Variants in FOXN3 observed in about 807,000 individuals in gnomAD.
FOXN3 encodes forkhead box N3, also known as forkhead box protein N3.
Under a neutral mutation model 38.4 loss-of-function variants are expected in FOXN3, and 7 were observed. That is an observed-to-expected ratio of 0.18 (90% CI 0.10 to 0.34). The LOEUF (loss-of-function observed/expected upper bound fraction) is 0.34. FOXN3 is among the 10% of genes least tolerant of loss of function. The pLI, the probability that FOXN3 is intolerant of heterozygous loss-of-function variation, is 1.00. For missense variants in FOXN3, 456 were observed against 613.4 expected, an observed-to-expected ratio of 0.74 and a Z score of 2.71; for synonymous variants, 230 against 242.2, an observed-to-expected ratio of 0.95 and a Z score of 0.47.
At chr14:89,488,686 G>C (rs1319520074) in intron 1 of FOXN3, among the ~76,000 whole-genome samples, 1 of 151,406 alleles carries the variant, frequency 6.6e-6, no homozygotes, top group East Asian at 1.9e-4. Context: ...GCATTTTCTA[G>C]AGGGAAGAAC....
intron 1 of FOXN3, among the ~76,000 whole-genome samples, chr14:89,472,699 T>C (rs1238420183): frequency 1.6e-5 from 2 of 125,752 alleles, no homozygotes; most frequent in Non-Finnish European, 3.2e-5. Flanking sequence ...CCAGCCTGGG[T>C]GACGGAGCAA....
At chr14:89,166,527 G>C (rs746202867) in intron 5 of FOXN3, among the ~76,000 whole-genome samples, 1 of 152,094 alleles carries the variant, frequency 6.6e-6, no homozygotes, top group African/African-American at 2.4e-5. Context: ...GGGGTGGCCC[G>C]GACAGTCTCA....
At chr14:89,465,633 T>G (rs1044132694) in intron 1 of FOXN3, among the ~76,000 whole-genome samples, 1 of 152,234 alleles carries the variant, frequency 6.6e-6, no homozygotes, top group Non-Finnish European at 1.5e-5. Flanking sequence ...CAAAAGAGAC[T>G]CCCTGAAACT....
At chr14:89,345,785 C>T (rs1888743101) in intron 3 of FOXN3, among the ~76,000 whole-genome samples, 1 of 152,262 alleles carries the variant, frequency 6.6e-6, no homozygotes, top group Non-Finnish European at 1.5e-5. Context: ...AGGCCGGGCA[C>T]AGTGGCTCAC....
intron 1 of FOXN3, among the ~76,000 whole-genome samples, chr14:89,437,109 G>A (rs146224443): frequency 1.1e-3 from 172 of 152,040 alleles, no homozygotes; most frequent in African/African-American, 2.4e-3. Flanking sequence ...AACACGGAAG[G>A]TTGCAGTGAG....
chr14:89,162,548 C>T lies in FOXN3; in HGVS notation c.1273G>A (p.Glu425Lys), dbSNP rs780839699. 3.7e-6 allele frequency: 6 copies of T among 1,613,768 alleles called. No individual in the cohort carries two copies. The highest frequency in any genetic ancestry group is 4.2e-6 in the Non-Finnish European group (5 of 1,179,964). Residue 425 changes from glutamate (E) to lysine (K), a missense_variant, in exon 6 of 6, where the codon GAG becomes AAG. Around this residue, in one of 3 missense-constraint regions of FOXN3, gnomAD observed 386 missense variants for 505.2 expected, o/e 0.76. Transcript: ENST00000557258. The surrounding 1 kb of genome is among the most constrained non-coding windows in gnomAD (Gnocchi z 7.2). ...LKKRRTEKPP[E>K]SDDEEMKEAA... ...TCTTTCATCTCCTCATCATCGCTCT[C>T]GGGGGGCTTTTCGGTGCGTCTCTTT...
At chr14:89,602,580 TCCGCC>T (rs1391118009) in intron 1 of FOXN3, among the ~76,000 whole-genome samples, 1 of 151,946 alleles carries the variant, frequency 6.6e-6, no homozygotes, top group African/African-American at 2.4e-5. Context: ...CACTGCAACC[TCCGCC>T]CCCCGAGTTC....
intron 1 of FOXN3, among the ~76,000 whole-genome samples, chr14:89,522,203 A>T (rs778270168): frequency 1.3e-5 from 2 of 152,146 alleles, no homozygotes. Context: ...CAGTGAAAAT[A>T]GCTTTGAGAA....
At chr14:89,356,551 A>C (rs947465810) in intron 2 of FOXN3, 1 of 152,230 alleles carries the variant, frequency 6.6e-6, no homozygotes. Flanking sequence ...TATTAAAACA[A>C]GACAAAAACT....
intron 4 of FOXN3, among the ~76,000 whole-genome samples, chr14:89,207,227 A>C (rs1215771569): frequency 6.6e-6 from 1 of 152,128 alleles, no homozygotes; most frequent in Non-Finnish European, 1.5e-5. Flanking sequence ...TCTCAAACAA[A>C]ACAAAATAAA....
chr14:89,533,477 C>G (rs964123095), intron 1 of FOXN3, among the ~76,000 whole-genome samples: 1 of 152,050 alleles, frequency 6.6e-6, no homozygotes, highest in South Asian at 2.1e-4. Context: ...TCCTGGCTAA[C>G]AGGGTGAAAC....
intron 4 of FOXN3, among the ~76,000 whole-genome samples, chr14:89,265,708 C>T (rs1212716730): frequency 2.0e-5 from 3 of 152,184 alleles, no homozygotes; most frequent in South Asian, 2.1e-4. Flanking sequence ...TGCAAGTATA[C>T]ACAGCTAGTA....
At chr14:89,611,216 AAAG>A (rs1369290395) in intron 1 of FOXN3, among the ~76,000 whole-genome samples, 2 of 152,228 alleles carry the variant, frequency 1.3e-5, no homozygotes, top group South Asian at 4.1e-4. Context: ...GGAGCCCCAA[AAAG>A]AAGACTGAAT....
intron 4 of FOXN3, among the ~76,000 whole-genome samples, chr14:89,213,035 C>T (rs1296304382): frequency 6.6e-6 from 1 of 152,162 alleles, no homozygotes; most frequent in African/African-American, 2.4e-5. Flanking sequence ...TTTTGTTTTT[C>T]TGGACATAGA....
rs1241378915 is a variant in FOXN3, at chr14:89,289,193, A to AG, written c.681-8180_681-8179insC. Among the ~76,000 whole-genome samples the AG allele has an allele frequency of 7.4e-4, 84 of 114,202 alleles. 1 individual carries two copies. The highest frequency in any genetic ancestry group is 1.1e-3 in the Non-Finnish European group (64 of 56,828). The allele number at this position is 114,202 out of a possible 152,430, so 74.9% of individuals were successfully genotyped here. ...TGAAATTCTGTCTCAAAAAAAAAAA[A>AG]AAAAGAAAAGAAAAAGAAAAGAAAA... is the stretch of plus-strand genomic sequence containing the variant. On this transcript the variant is annotated intron_variant, in intron 3 of 5. Transcript: ENST00000557258.
intron 1 of FOXN3, among the ~76,000 whole-genome samples, chr14:89,500,712 T>G (rs1197916669): frequency 6.6e-6 from 1 of 152,200 alleles, no homozygotes; most frequent in Non-Finnish European, 1.5e-5. Context: ...ACCAGCCTGG[T>G]ACCCTGACCT....
At chr14:89,478,931 C>CCAAAAAAAAAAAA (rs1893267800) in intron 1 of FOXN3, among the ~76,000 whole-genome samples, 1 of 54,198 alleles carries the variant, frequency 1.8e-5, no homozygotes, top group Non-Finnish European at 3.5e-5. Flanking sequence ...GACTCCATCT[C>CCAAAAAAAAAAAA]AAAAAAAAAA....
chr14:89,529,585 T>G (rs1458132257), intron 1 of FOXN3, among the ~76,000 whole-genome samples: 1 of 152,222 alleles, frequency 6.6e-6, no homozygotes, highest in Non-Finnish European at 1.5e-5. Context: ...GCCTAAGAAT[T>G]TCAAATGTTT....
At chr14:89,554,234 T>C (rs1272909923) in intron 1 of FOXN3, among the ~76,000 whole-genome samples, 1 of 152,126 alleles carries the variant, frequency 6.6e-6, no homozygotes, top group Admixed American at 6.5e-5. Flanking sequence ...ACTCCTGACC[T>C]CGTGATCCGC....
Sources: allele counts gnomAD v4.1 joint callset (sites outside exome capture counted in the v4.1 genomes callset), GRCh38; gene constraint gnomAD v4.1.1; regional missense constraint gnomAD v4.1.1; non-coding constraint Gnocchi (gnomAD v3.1); transcripts MANE v1.5; gene names NCBI Gene and HGNC (gene_info 2026-07-23, HGNC 2026-07-21).